ANKS1B: variants seen among roughly 807,000 people sequenced by gnomAD.
ANKS1B encodes the protein ankyrin repeat and sterile alpha motif domain-containing protein 1B.
ANKS1B carries 36 observed loss-of-function variants against 148.3 expected under a neutral mutation model. The ratio of observed to expected loss-of-function variants is 0.24; its 90% CI spans 0.19 to 0.32. The LOEUF (loss-of-function observed/expected upper bound fraction) is 0.32. Ranked by LOEUF, ANKS1B falls within the 10% of genes least tolerant of loss-of-function variation. The probability of loss-of-function intolerance (pLI) is 1.00; values close to 1 mark genes in which losing one functional copy is unlikely to be tolerated. For missense variants in ANKS1B, 1,157 were observed against 1,542.6 expected (o/e 0.75, Z 4.19); for synonymous variants, 542 against 560.8 (o/e 0.97, Z 0.47).
At chr12:99,790,526 AC>A (rs1269874671) in intron 4 of ANKS1B, among the ~76,000 whole-genome samples, 1 of 152,172 alleles carries the variant, frequency 6.6e-6, no homozygotes, top group East Asian at 1.9e-4. Flanking sequence ...TAAACAATGA[AC>A]CAAAAAATAA....
intron 12 of ANKS1B, among the ~76,000 whole-genome samples, chr12:99,335,168 T>G (rs1188679906): frequency 1.3e-5 from 2 of 152,064 alleles, no homozygotes; most frequent in Non-Finnish European, 2.9e-5. Context: ...CCTAGTTTTC[T>G]TCTTCAGTTT....
At position 99,504,464 on chromosome 12, in the gene ANKS1B, A is replaced by T; in HGVS notation, c.1438+12T>A. 1 of 1,609,062 alleles carries T rather than the reference A, an allele frequency of 6.2e-7. No homozygotes were observed. Among genetic ancestry groups the T allele is most frequent in the Non-Finnish European group, 8.5e-7 (1 of 1,178,420 alleles). On this transcript the variant is annotated intron_variant, in intron 10 of 26. Transcript: ENST00000683438. ...AAATTGAATCAGGCCAATTGTGAGT[A>T]AGAGATATTACCAGTTCTTGGGGAA...
chr12:99,965,677 A>G (rs2095476213), intron 1 of ANKS1B, among the ~76,000 whole-genome samples: 1 of 152,076 alleles, frequency 6.6e-6, no homozygotes, highest in Non-Finnish European at 1.5e-5. Flanking sequence ...TAATCCCAGC[A>G]CTCTGGATGG....
chr12:99,640,643 T>G (rs2098293851), intron 9 of ANKS1B, among the ~76,000 whole-genome samples: 2 of 152,200 alleles, frequency 1.3e-5, no homozygotes. Context: ...GTAAATTTCT[T>G]TTCTTTATAA....
chr12:99,040,275 CGTGTGT>C (rs146791344), intron 17 of ANKS1B, among the ~76,000 whole-genome samples: 9 of 147,530 alleles, frequency 6.1e-5, no homozygotes, highest in East Asian at 2.3e-4. Flanking sequence ...TGTGCGTGTG[CGTGTGT>C]GTGTGTGTGT....
intron 16 of ANKS1B, among the ~76,000 whole-genome samples, chr12:99,061,068 G>A (rs1356338079): frequency 6.6e-6 from 1 of 152,154 alleles, no homozygotes; most frequent in Non-Finnish European, 1.5e-5. Context: ...ACTACTTGTT[G>A]TTCCCTTAAA....
intron 16 of ANKS1B, among the ~76,000 whole-genome samples, chr12:99,059,930 G>A (rs1375004871): frequency 4.6e-5 from 7 of 151,792 alleles, no homozygotes; most frequent in Non-Finnish European, 1.0e-4. Flanking sequence ...TTTTTCCAGC[G>A]GGAACATCTG....
intron 15 of ANKS1B, among the ~76,000 whole-genome samples, chr12:99,113,937 T>C (rs1259085531): frequency 1.3e-5 from 2 of 152,230 alleles, no homozygotes; most frequent in African/African-American, 4.8e-5. Flanking sequence ...TAGTCATTCC[T>C]TTCCATATAC....
intron 9 of ANKS1B, among the ~76,000 whole-genome samples, chr12:99,589,290 G>C (rs964647129): frequency 6.6e-6 from 1 of 152,202 alleles, no homozygotes; most frequent in African/African-American, 2.4e-5. Flanking sequence ...AGATATGTTT[G>C]ACTGTAGAGA....
intron 15 of ANKS1B, among the ~76,000 whole-genome samples, chr12:99,115,928 G>C (rs1375491749): frequency 8.6e-6 from 1 of 116,724 alleles, no homozygotes; most frequent in East Asian, 2.4e-4. Flanking sequence ...GCGAGACTCC[G>C]TCTCAAAAAA....
At chr12:99,875,513 G>A (rs1180004878) in intron 1 of ANKS1B, among the ~76,000 whole-genome samples, 1 of 152,010 alleles carries the variant, frequency 6.6e-6, no homozygotes, top group African/African-American at 2.4e-5. Context: ...GATTAACTCA[G>A]AAAGACCTCA....
At chr12:98,970,633 G>T (rs1315106028) in intron 17 of ANKS1B, among the ~76,000 whole-genome samples, 1 of 152,082 alleles carries the variant, frequency 6.6e-6, no homozygotes, top group African/African-American at 2.4e-5. Context: ...TGCTACGTAG[G>T]GCAAAGGCAT....
chr12:99,849,603 C>T (rs2058978375), intron 1 of ANKS1B, among the ~76,000 whole-genome samples: 1 of 152,014 alleles, frequency 6.6e-6, no homozygotes, highest in South Asian at 2.1e-4. Flanking sequence ...CAAAACTGTC[C>T]ATCAATAGTA....
intron 4 of ANKS1B, among the ~76,000 whole-genome samples, chr12:99,803,927 G>C (rs533852857): frequency 8.8e-4 from 134 of 152,204 alleles, no homozygotes; most frequent in African/African-American, 3.0e-3. Flanking sequence ...AGTTATTCTT[G>C]CAAATTTTTT....
Position 99,463,871 on chromosome 12 carries a change from C to T in ANKS1B, c.1439-20062G>A, listed in dbSNP as rs557772812. On this transcript the variant is annotated intron_variant, in intron 10 of 26. Coordinates refer to ENST00000683438, the MANE Select transcript of ANKS1B (RefSeq NM_001352186.2). ...TCCACCTCTGGGGGCAGGGCACAGA[C>T]GACAAAAAGACAGCAGTAACCTCTG... Among the ~76,000 whole-genome samples the T allele has an allele frequency of 3.1e-4, 47 of 150,496 alleles. 1 individual carries two copies. The highest frequency in any genetic ancestry group is 7.9e-4 in the Admixed American group (12 of 15,268).
intron 12 of ANKS1B, among the ~76,000 whole-genome samples, chr12:99,297,118 C>A (rs1366938402): frequency 6.6e-6 from 1 of 152,112 alleles, no homozygotes; most frequent in Non-Finnish European, 1.5e-5. Flanking sequence ...CAAATAAAAT[C>A]TTTCCCCAAA....
At chr12:99,355,950 T>G (rs1401105836) in intron 12 of ANKS1B, among the ~76,000 whole-genome samples, 1 of 152,102 alleles carries the variant, frequency 6.6e-6, no homozygotes, top group African/African-American at 2.4e-5. Context: ...ATAATAAAAT[T>G]ATTAAAATTT....
intron 12 of ANKS1B, among the ~76,000 whole-genome samples, chr12:99,269,867 C>T (rs2076857235): frequency 1.3e-5 from 2 of 152,058 alleles, no homozygotes; most frequent in South Asian, 4.1e-4. Context: ...CCGACTTGCT[C>T]ATTATTTTTA....
rs1285478991 is a variant in ANKS1B, at chr12:99,649,534, G to C, written c.1272+5533C>G. ...AGTAAGCACCACCACAGGTACCATGGATGTGGCTGCAACCAAGTCTGCAGA... is the reference window on the plus strand; with the variant it reads ...AGTAAGCACCACCACAGGTACCATGCATGTGGCTGCAACCAAGTCTGCAGA... On this transcript the variant is annotated intron_variant, in intron 9 of 26. Coordinates refer to ENST00000683438, the MANE Select transcript of ANKS1B (RefSeq NM_001352186.2). 3 of 663,814 alleles carry C rather than the reference G, an allele frequency of 4.5e-6. No homozygotes were observed. In the African/African-American group the frequency reaches 5.4e-5, roughly 12 times the overall value. The allele number at this position is 663,814 out of a possible 1,614,324, so 41.1% of individuals were successfully genotyped here. A position where few individuals can be genotyped will look rare whatever the true frequency, so the allele number is the denominator to read the frequency against.
Sources: gnomAD v4.1 joint callset for allele counts (sites outside exome capture counted in the v4.1 genomes callset) on GRCh38, gnomAD v4.1.1 for gene constraint, MANE v1.5 for transcripts, NCBI Gene and HGNC (gene_info 2026-07-23, HGNC 2026-07-21) for gene names.